Variants in PBX1 observed in about 807,000 individuals in gnomAD.
PBX1 encodes the protein pre-B-cell leukemia transcription factor 1.
In PBX1, 6 loss-of-function variants were observed where a neutral mutation model predicts 53.4. That is an observed-to-expected ratio of 0.11 (90% CI 0.06 to 0.22). The LOEUF (loss-of-function observed/expected upper bound fraction) is 0.22, where lower values mean the gene tolerates loss of function less well. PBX1 is among the 10% of genes least tolerant of loss of function. PBX1 has a pLI of 1.00. For synonymous variants in PBX1, 204 were observed against 212.3 expected, an observed-to-expected ratio of 0.96 and a Z score of 0.34; for missense variants, 251 against 551.4, an observed-to-expected ratio of 0.46 and a Z score of 5.46.
chr1:164,760,512 A>T (rs1208737026), intron 2 of PBX1, among the ~76,000 whole-genome samples: 2 of 144,096 alleles, frequency 1.4e-5, no homozygotes, highest in Non-Finnish European at 3.0e-5. Context: ...TTTGTTATAT[A>T]TTCACTCTCT....
At chr1:164,775,351 A>G (rs1208719771) in intron 2 of PBX1, among the ~76,000 whole-genome samples, 1 of 152,162 alleles carries the variant, frequency 6.6e-6, no homozygotes, top group African/African-American at 2.4e-5. Flanking sequence ...CTTTAGGGCT[A>G]CGTTAGGGAG....
intron 2 of PBX1, among the ~76,000 whole-genome samples, chr1:164,651,301 A>G (rs1659799381): frequency 1.3e-5 from 2 of 151,784 alleles, no homozygotes; most frequent in African/African-American, 4.8e-5. Flanking sequence ...GGGCATTGCA[A>G]GCTGTCGGTT....
intron 2 of PBX1, among the ~76,000 whole-genome samples, chr1:164,764,693 A>G (rs1194815097): frequency 6.6e-6 from 1 of 152,118 alleles, no homozygotes; most frequent in East Asian, 1.9e-4. Context: ...TTGTCTAGTT[A>G]TAGCCCACCT....
intron 3 of PBX1, among the ~76,000 whole-genome samples, chr1:164,794,247 T>C (rs1668678423): frequency 6.6e-6 from 1 of 152,218 alleles, no homozygotes; most frequent in Admixed American, 6.5e-5. Context: ...AGTCCACTTG[T>C]AACTATCTAG....
intron 2 of PBX1, among the ~76,000 whole-genome samples, chr1:164,697,640 A>G (rs1662868624): frequency 6.6e-6 from 1 of 152,230 alleles, no homozygotes; most frequent in Non-Finnish European, 1.5e-5. Flanking sequence ...TGCCTTCCCT[A>G]GGGGGACATC....
intron 2 of PBX1, among the ~76,000 whole-genome samples, chr1:164,588,225 T>C (rs757920055): frequency 3.3e-5 from 5 of 152,168 alleles, no homozygotes; most frequent in African/African-American, 4.8e-5. Context: ...CACCCGCCTG[T>C]AGAGCACAAT....
chr1:164,590,488 GAAGTT>G, intron 2 of PBX1: 1 of 455,954 alleles, frequency 2.2e-6, no homozygotes, highest in Non-Finnish European at 4.4e-6. Flanking sequence ...TGACGAGGAG[GAAGTT>G]AAGTTGAGAG....
At chr1:164,744,461 T>C (rs988441807) in intron 2 of PBX1, among the ~76,000 whole-genome samples, 1 of 152,162 alleles carries the variant, frequency 6.6e-6, no homozygotes, top group African/African-American at 2.4e-5. Context: ...ATACTCATGG[T>C]TATACCAACA....
intron 2 of PBX1, among the ~76,000 whole-genome samples, chr1:164,649,628 A>G (rs1229706821): frequency 6.6e-6 from 1 of 152,152 alleles, no homozygotes; most frequent in Non-Finnish European, 1.5e-5. Flanking sequence ...AGGAGCTCCC[A>G]GTCTGCTGCA....
intron 8 of PBX1, among the ~76,000 whole-genome samples, chr1:164,835,277 T>C (rs980200951): frequency 6.7e-6 from 1 of 150,206 alleles, no homozygotes; most frequent in Non-Finnish European, 1.5e-5. Flanking sequence ...AATAACACGG[T>C]GGTAAGCTTT....
chr1:164,628,657 A>G (rs1191740650), intron 2 of PBX1, among the ~76,000 whole-genome samples: 2 of 152,238 alleles, frequency 1.3e-5, no homozygotes, highest in Non-Finnish European at 2.9e-5. Flanking sequence ...TTCCAAGATC[A>G]GTAGCAACAT....
chr1:164,659,664 C>A (rs1346750276), intron 2 of PBX1, among the ~76,000 whole-genome samples: 1 of 152,268 alleles, frequency 6.6e-6, no homozygotes, highest in East Asian at 1.9e-4. Flanking sequence ...ACACATCCTC[C>A]CTTGTTCCCT....
At chr1:164,563,192 G>T in intron 1 of PBX1, 46 bp from the exon 2 acceptor site, 2 of 1,350,142 alleles carry the variant, frequency 1.5e-6, no homozygotes, top group South Asian at 2.4e-5. Flanking sequence ...TCGGCAGTTT[G>T]ATCTTGAGAG....
rs1669417433 is a variant in PBX1, at chr1:164,807,518, A to G, written c.702-24A>G. The G allele has an allele frequency of 5.6e-6, 9 of 1,607,174 alleles. No homozygotes were observed. In the African/African-American group the frequency reaches 9.4e-5, roughly 17 times the overall value. The stretch of plus-strand genomic sequence containing the variant: ...TTTATTTGGTGTGAGCCTTTTTGTT[A>G]TTATTTCCTTTCTCTTTACAAAGGC... On this transcript the variant is annotated intron_variant, in intron 4 of 8. Transcript: ENST00000420696.
At chr1:164,597,529 G>A (rs752353438) in intron 2 of PBX1, among the ~76,000 whole-genome samples, 9 of 152,178 alleles carry the variant, frequency 5.9e-5, no homozygotes, top group Non-Finnish European at 1.2e-4. Context: ...CAAGGATCAA[G>A]AATTTCCCAA....
At chr1:164,569,564 A>ATTTT (rs71097535) in intron 2 of PBX1, among the ~76,000 whole-genome samples, 9 of 78,186 alleles carry the variant, frequency 1.2e-4, no homozygotes, top group Admixed American at 1.7e-4. Context: ...TTTTCCTTGC[A>ATTTT]TTTTTTTTTT....
At chr1:164,744,002 G>A (rs1665760672) in intron 2 of PBX1, among the ~76,000 whole-genome samples, 1 of 152,124 alleles carries the variant, frequency 6.6e-6, no homozygotes, top group Admixed American at 6.5e-5. Context: ...AATGGATATT[G>A]GCTAGGTAAC....
intron 2 of PBX1, among the ~76,000 whole-genome samples, chr1:164,877,850 A>C (rs188370593): frequency 6.6e-6 from 1 of 152,322 alleles, no homozygotes; most frequent in African/African-American, 2.4e-5. Flanking sequence ...CATCACATCC[A>C]AAAGTTTGCT....
At chr1:164,773,312 C>T (rs1667479787) in intron 2 of PBX1, among the ~76,000 whole-genome samples, 1 of 148,922 alleles carries the variant, frequency 6.7e-6, no homozygotes, top group South Asian at 2.2e-4. Flanking sequence ...CTTCCACTGT[C>T]AGATCGTAAC....
Sources: gnomAD v4.1 joint callset for allele counts (sites outside exome capture counted in the v4.1 genomes callset) on GRCh38, gnomAD v4.1.1 for gene constraint, MANE v1.5 for transcripts, NCBI Gene and HGNC (gene_info 2026-07-23, HGNC 2026-07-21) for gene names.